The following PRKCB variants were observed in gnomAD, a reference collection of about 807,000 sequenced individuals.
PRKCB encodes the protein protein kinase C beta, also known as protein kinase C beta type.
A neutral mutation model predicts 81.5 loss-of-function variants in PRKCB; 13 were observed. The observed-to-expected ratio is 0.16, with a 90% CI of 0.10 to 0.25. The LOEUF is 0.25. Ranked by LOEUF, PRKCB falls within the 10% of genes least tolerant of loss-of-function variation. The probability of loss-of-function intolerance (pLI) is 1.00; values close to 1 mark genes in which losing one functional copy is unlikely to be tolerated. For synonymous variants in PRKCB, 335 were observed against 321.4 expected, an observed-to-expected ratio of 1.04 and a Z score of -0.45; for missense variants, 509 against 875.7, an observed-to-expected ratio of 0.58 and a Z score of 5.29.
chr16:23,956,980 A>T (rs938982953), intron 2 of PRKCB, among the ~76,000 whole-genome samples: 7 of 18,974 alleles, frequency 3.7e-4, no homozygotes, highest in Admixed American at 1.1e-3. Context: ...TATAGGCAGT[A>T]AAAAAAAAAA....
In PRKCB at chr16:24,219,940, T is replaced by C. The variant is rs1365128757; in HGVS notation, c.*5124T>C. ...TCTTTCTTCTTACGCTGTGTTAATG[T>C]GTTTACTTTCCATTTGGCAGAGAGA... On this transcript the variant is annotated 3_prime_UTR_variant, in exon 17 of 17. Transcript: ENST00000643927. 1 of 1,613,410 alleles carries C rather than the reference T, an allele frequency of 6.2e-7. No homozygotes were observed. The highest frequency in any genetic ancestry group is 8.5e-7 in the Non-Finnish European group (1 of 1,179,700).
At chr16:23,950,681 A>T (rs1298814485) in intron 2 of PRKCB, among the ~76,000 whole-genome samples, 1 of 152,224 alleles carries the variant, frequency 6.6e-6, no homozygotes, top group Non-Finnish European at 1.5e-5. Context: ...TCCTGGCATC[A>T]GTGGGCATTT....
At chr16:23,927,834 A>C (rs1963917562) in intron 2 of PRKCB, among the ~76,000 whole-genome samples, 1 of 151,948 alleles carries the variant, frequency 6.6e-6, no homozygotes, top group African/African-American at 2.4e-5. Flanking sequence ...GTTTTGAGGG[A>C]AGGCTGTCTC....
chr16:23,883,393 G>A (rs891809284), intron 2 of PRKCB, among the ~76,000 whole-genome samples: 3 of 152,180 alleles, frequency 2.0e-5, no homozygotes, highest in East Asian at 1.9e-4. Context: ...GTGGCTAGGC[G>A]TGATCCTTGT....
chr16:23,866,008 C>G (rs185810428), intron 2 of PRKCB, among the ~76,000 whole-genome samples: 2 of 147,110 alleles, frequency 1.4e-5, no homozygotes, highest in African/African-American at 5.1e-5. Flanking sequence ...GAGTCTACCC[C>G]ACCCTTCAAG....
At chr16:24,113,480 TCTTCCTTC>T (rs761958849) in intron 8 of PRKCB, among the ~76,000 whole-genome samples, 2 of 149,990 alleles carry the variant, frequency 1.3e-5, no homozygotes, top group Non-Finnish European at 3.0e-5. Context: ...CTTCTTCCTT[TCTTCCTTC>T]CTTCCTTTCC....
chr16:24,109,363 A>G (rs1246519126), intron 7 of PRKCB, among the ~76,000 whole-genome samples: 30 of 85,196 alleles, frequency 3.5e-4, no homozygotes, highest in African/African-American at 7.3e-4. Flanking sequence ...GGCGGCTGCT[A>G]GGCGGAGGGG....
intron 5 of PRKCB, among the ~76,000 whole-genome samples, chr16:24,090,861 A>G (rs2560407): frequency 0.6 from 90,425 of 151,940 alleles, 27,160 homozygotes; most frequent in African/African-American, 0.63. Context: ...GTTGCAGGAA[A>G]TGAGGGGGTG....
At position 24,021,331 on chromosome 16, in the gene PRKCB, CT is replaced by C. The variant is rs1965396222; in HGVS notation, c.289-10803del. 1.4e-4 allele frequency among the ~76,000 whole-genome samples: 9 copies of C among 64,984 alleles called. 1 individual carries two copies. Among genetic ancestry groups the C allele is most frequent in the Non-Finnish European group, 2.0e-4 (7 of 35,550 alleles). 42.6% of individuals were successfully genotyped at this position (64,984 alleles called of 152,430 possible). On this transcript the variant is annotated intron_variant, in intron 3 of 16. Coordinates refer to ENST00000643927, the MANE Select transcript of PRKCB (RefSeq NM_002738.7). ...CCTTCCTTCCTTCCTTCCTTCCTTC[CT>C]TCCTTCCTTCCTTCCTTCCTTCCTC...
chr16:23,981,366 G>T (rs1430230882), intron 2 of PRKCB, among the ~76,000 whole-genome samples: 1 of 151,918 alleles, frequency 6.6e-6, no homozygotes, highest in East Asian at 1.9e-4. Context: ...ATCACACTGG[G>T]CTCATCCAGA....
chr16:23,907,816 AC>A (rs1351883872), intron 2 of PRKCB, among the ~76,000 whole-genome samples: 1 of 152,106 alleles, frequency 6.6e-6, no homozygotes, highest in Non-Finnish European at 1.5e-5. Flanking sequence ...ACTCCCTAGG[AC>A]CTGCCTGGGA....
At chr16:23,921,884 G>T (rs1185207551) in intron 2 of PRKCB, among the ~76,000 whole-genome samples, 3 of 152,176 alleles carry the variant, frequency 2.0e-5, no homozygotes, top group African/African-American at 7.2e-5. Context: ...TCTTGGGTGG[G>T]CATCAAGGCA....
intron 16 of PRKCB, among the ~76,000 whole-genome samples, chr16:24,201,198 T>G (rs1967951649): frequency 6.6e-6 from 1 of 152,196 alleles, no homozygotes. Context: ...CTCCCCTGTT[T>G]AGTCTGTCTA....
Position 24,117,839 on chromosome 16 carries a change from A to G in PRKCB, c.918+4770A>G, listed in dbSNP as rs530964016. 2.6e-5 allele frequency among the ~76,000 whole-genome samples: 4 copies of G among 152,336 alleles called. No homozygotes were observed. The South Asian group carries it at 8.3e-4, about 32-fold the overall frequency. Reference sequence around the variant, plus strand: ...GAACTCTCAAGTCAGCGCGGAATGCATGCCTCAGAATTTCCCAATCAAGGG... The same window carrying G: ...GAACTCTCAAGTCAGCGCGGAATGCGTGCCTCAGAATTTCCCAATCAAGGG... On this transcript the variant is annotated intron_variant, in intron 8 of 16. Transcript: ENST00000643927.
At chr16:24,154,915 A>G in intron 10 of PRKCB, 58 bp downstream of exon 10, 1 of 1,560,602 alleles carries the variant, frequency 6.4e-7, no homozygotes, top group Non-Finnish European at 8.7e-7. Context: ...GGCTTTGGCC[A>G]AAGCTATCTT....
In PRKCB at chr16:24,219,081, C is replaced by A; in HGVS notation, c.*4265C>A. The A allele has an allele frequency of 2.0e-6, 2 of 985,364 alleles. No homozygotes were observed. Among genetic ancestry groups the A allele is most frequent in the Non-Finnish European group, 1.2e-6 (1 of 829,968 alleles). The allele number at this position is 985,364 out of a possible 1,614,324, so 61.0% of individuals were successfully genotyped here. ...AGGCTTGCAAGGACCCTGAAGAGGT[C>A]GGAGCATCATACAGATTCCTTTATT... is the stretch of plus-strand genomic sequence containing the variant. On this transcript the variant is annotated 3_prime_UTR_variant, in exon 17 of 17. Coordinates refer to ENST00000643927, the MANE Select transcript of PRKCB (RefSeq NM_002738.7).
In PRKCB at chr16:24,217,787, T is replaced by C. The variant is rs1968253779; in HGVS notation, c.*2971T>C. 1.0e-6 allele frequency: 1 copy of C among 985,336 alleles called. No individual in the cohort carries two copies. Among genetic ancestry groups the C allele is most frequent in the Non-Finnish European group, 1.2e-6 (1 of 829,960 alleles). The allele number at this position is 985,336 out of a possible 1,614,324, so 61.0% of individuals were successfully genotyped here. A position where few individuals can be genotyped will look rare whatever the true frequency, so the allele number is the denominator to read the frequency against. On this transcript the variant is annotated 3_prime_UTR_variant, in exon 17 of 17. Coordinates refer to ENST00000643927, the MANE Select transcript of PRKCB (RefSeq NM_002738.7). ...GAGACCTAAAAAAAAGGCAGCTTTGTGTCTTCTAGCTCCAAATATACCTGC... is the reference window on the plus strand; with the variant it reads ...GAGACCTAAAAAAAAGGCAGCTTTGCGTCTTCTAGCTCCAAATATACCTGC...
At chr16:24,045,477 G>A (rs1484222090) in intron 5 of PRKCB, among the ~76,000 whole-genome samples, 1 of 152,098 alleles carries the variant, frequency 6.6e-6, no homozygotes, top group Non-Finnish European at 1.5e-5. Flanking sequence ...TGTGCCTCTC[G>A]CCTGGCAGGT....
chr16:23,900,216 T>C (rs553418017), intron 2 of PRKCB, among the ~76,000 whole-genome samples: 2 of 152,238 alleles, frequency 1.3e-5, no homozygotes, highest in South Asian at 4.2e-4. Context: ...AGTGCCATGG[T>C]TGAGAAACCT....
Sources: gnomAD v4.1 joint callset for allele counts (sites outside exome capture counted in the v4.1 genomes callset) on GRCh38, gnomAD v4.1.1 for gene constraint, MANE v1.5 for transcripts, NCBI Gene and HGNC (gene_info 2026-07-23, HGNC 2026-07-21) for gene names.